DEUP1: variants seen among roughly 807,000 people sequenced by gnomAD.
DEUP1 encodes the protein deuterosome assembly protein 1, also known as coiled-coil domain containing 67.
In DEUP1, 82 loss-of-function variants were observed where a neutral mutation model predicts 87.4. The observed-to-expected ratio is 0.94, with a 90% CI of 0.78 to 1.13. The LOEUF (loss-of-function observed/expected upper bound fraction) is 1.13. Ranked by LOEUF, DEUP1 falls within the 50% of genes most tolerant of loss-of-function variation. The probability of loss-of-function intolerance (pLI) is 0.00; values close to 1 mark genes in which losing one functional copy is unlikely to be tolerated. For missense variants in DEUP1, 663 were observed against 681.5 expected (o/e 0.97, Z 0.30); for synonymous variants, 214 against 222.7 (o/e 0.96, Z 0.35).
intron 8 of DEUP1, among the ~76,000 whole-genome samples, chr11:93,386,967 GT>G (rs1431615082): frequency 6.6e-6 from 1 of 152,154 alleles, no homozygotes; most frequent in Non-Finnish European, 1.5e-5. Flanking sequence ...ATTCCAAACA[GT>G]GCCAACAGCC....
chr11:93,363,722 A>C (rs1270228826), intron 4 of DEUP1, among the ~76,000 whole-genome samples: 2 of 151,966 alleles, frequency 1.3e-5, no homozygotes, highest in East Asian at 3.8e-4. Context: ...GGCTTATGTT[A>C]CTTATGTCTT....
intron 7 of DEUP1, among the ~76,000 whole-genome samples, chr11:93,375,193 T>C (rs576169561): frequency 3.9e-5 from 6 of 152,204 alleles, no homozygotes; most frequent in Non-Finnish European, 5.9e-5. Context: ...GCTTTTTGGA[T>C]GAATCTTTAG....
intron 2 of DEUP1, among the ~76,000 whole-genome samples, chr11:93,339,808 G>A (rs1386470155): frequency 6.6e-6 from 1 of 152,152 alleles, no homozygotes; most frequent in Non-Finnish European, 1.5e-5. Flanking sequence ...AGAGCTACTA[G>A]GGGCCTGAAC....
intron 2 of DEUP1, among the ~76,000 whole-genome samples, chr11:93,348,740 C>T (rs142220323): frequency 1.8e-4 from 28 of 152,268 alleles, no homozygotes; most frequent in Admixed American, 1.6e-3. Context: ...GTAAGCTAAT[C>T]CTGAATCCCA....
chr11:93,416,843 G>A (rs1386126729), intron 13 of DEUP1, among the ~76,000 whole-genome samples: 3 of 151,836 alleles, frequency 2.0e-5, no homozygotes, highest in Non-Finnish European at 4.4e-5. Context: ...GATCGAGTGG[G>A]CTTCATCCCT....
chr11:93,382,405 G>GA (rs1175323912), intron 7 of DEUP1, among the ~76,000 whole-genome samples: 1 of 152,124 alleles, frequency 6.6e-6, no homozygotes, highest in Admixed American at 6.5e-5. Flanking sequence ...TTTGTATTAT[G>GA]AAAAGTTTGA....
At chr11:93,388,590 T>C (rs1946664623) in intron 8 of DEUP1, among the ~76,000 whole-genome samples, 1 of 152,232 alleles carries the variant, frequency 6.6e-6, no homozygotes, top group African/African-American at 2.4e-5. Context: ...TGATGTTTTA[T>C]CTCTTTTATA....
chr11:93,364,149 G>A lies in DEUP1; in HGVS notation c.298-11G>A. On this transcript the variant is annotated splice_polypyrimidine_tract_variant and intron_variant, in intron 4 of 13. Transcript: ENST00000298050. ...TAATAGTAAAATGTTAACATTTTCT[G>A]TGATTTACAGTTTTCCAAACTAACA... 1 of 1,539,926 alleles carries A rather than the reference G, an allele frequency of 6.5e-7. No individual in the cohort carries two copies. Among genetic ancestry groups the A allele is most frequent in the Non-Finnish European group, 8.9e-7 (1 of 1,123,872 alleles).
At chr11:93,348,526 T>C (rs986177455) in intron 2 of DEUP1, among the ~76,000 whole-genome samples, 3 of 152,244 alleles carry the variant, frequency 2.0e-5, no homozygotes, top group Admixed American at 6.5e-5. Flanking sequence ...GAATATGGCA[T>C]GTTGTGTCTT....
At chr11:93,409,409 C>G (rs1435598178) in intron 12 of DEUP1, among the ~76,000 whole-genome samples, 1 of 152,118 alleles carries the variant, frequency 6.6e-6, no homozygotes, top group African/African-American at 2.4e-5. Context: ...TCTCTGAAAG[C>G]CTTTTACTGT....
At chr11:93,382,082 A>G (rs1946329521) in intron 7 of DEUP1, among the ~76,000 whole-genome samples, 1 of 152,150 alleles carries the variant, frequency 6.6e-6, no homozygotes, top group African/African-American at 2.4e-5. Context: ...ACAAACTTGA[A>G]AATGTTCCAG....
chr11:93,358,065 A>G (rs190425926), intron 4 of DEUP1, among the ~76,000 whole-genome samples: 12 of 151,734 alleles, frequency 7.9e-5, no homozygotes, highest in African/African-American at 2.6e-4. Flanking sequence ...TAAACATTAA[A>G]TCATTACATA....
chr11:93,382,041 A>C (rs1036743871), intron 7 of DEUP1, among the ~76,000 whole-genome samples: 1 of 152,184 alleles, frequency 6.6e-6, no homozygotes, highest in Non-Finnish European at 1.5e-5. Context: ...TACAGTTAAA[A>C]AAGTTGATTT....
chr11:93,409,306 C>T (rs774266249), intron 12 of DEUP1, among the ~76,000 whole-genome samples: 10 of 152,200 alleles, frequency 6.6e-5, no homozygotes, highest in Admixed American at 3.3e-4. Flanking sequence ...TATTCCCATA[C>T]TCTGTAAAAG....
chr11:93,333,978 C>A (rs183651548), intron 2 of DEUP1, among the ~76,000 whole-genome samples: 1 of 152,272 alleles, frequency 6.6e-6, no homozygotes, highest in East Asian at 1.9e-4. Context: ...AATCCAAGGC[C>A]ATGGAGTCAT....
intron 9 of DEUP1, 145 bp downstream of exon 9, chr11:93,389,270 C>T: frequency 1.6e-6 from 1 of 619,604 alleles, no homozygotes; most frequent in South Asian, 2.0e-5. Context: ...GCTGCTAATT[C>T]CGACATTTTT....
At chr11:93,405,469 G>A (rs1947243629) in intron 11 of DEUP1, among the ~76,000 whole-genome samples, 1 of 151,946 alleles carries the variant, frequency 6.6e-6, no homozygotes, top group African/African-American at 2.4e-5. Flanking sequence ...ACCTTGGTCA[G>A]TAGCTTTAGA....
At chr11:93,389,457 T>G (rs943186557) in intron 9 of DEUP1, among the ~76,000 whole-genome samples, 5 of 152,208 alleles carry the variant, frequency 3.3e-5, no homozygotes, top group African/African-American at 1.2e-4. Flanking sequence ...AAGTTTCCTG[T>G]GCAAGATACT....
intron 1 of DEUP1, among the ~76,000 whole-genome samples, chr11:93,331,501 A>T (rs968260985): frequency 2.6e-5 from 4 of 152,076 alleles, no homozygotes; most frequent in African/African-American, 7.2e-5. Context: ...CCTAAATCTC[A>T]TAGTTATAGT....
Sources: allele counts gnomAD v4.1 joint callset (sites outside exome capture counted in the v4.1 genomes callset), GRCh38; gene constraint gnomAD v4.1.1; transcripts MANE v1.5; gene names NCBI Gene and HGNC (gene_info 2026-07-23, HGNC 2026-07-21).